The following SLCO1A2 variants were observed in gnomAD, a reference collection of about 807,000 sequenced individuals.
The protein encoded by SLCO1A2 is solute carrier organic anion transporter family member 1A2.
In SLCO1A2, 67 loss-of-function variants were observed where a neutral mutation model predicts 69.0. That is an observed-to-expected ratio of 0.97 (90% CI 0.80 to 1.19). The LOEUF (loss-of-function observed/expected upper bound fraction) is 1.19, where lower values mean the gene tolerates loss of function less well. Among genes scored for constraint, SLCO1A2 ranks in the 50% most tolerant of loss-of-function variants. The pLI is 0.00. For synonymous variants in SLCO1A2, 260 were observed against 265.9 expected, an observed-to-expected ratio of 0.98 and a Z score of 0.22; for missense variants, 787 against 793.7, an observed-to-expected ratio of 0.99 and a Z score of 0.10.
At chr12:21,382,573 G>A (rs1309297499) in intron 1 of SLCO1A2, among the ~76,000 whole-genome samples, 4 of 151,934 alleles carry the variant, frequency 2.6e-5, no homozygotes, top group Admixed American at 6.6e-5. Flanking sequence ...CGAGGTGGGC[G>A]GATCACAAGG....
intron 11 of SLCO1A2, among the ~76,000 whole-genome samples, chr12:21,292,931 A>G (rs1216831800): frequency 6.6e-6 from 1 of 152,248 alleles, no homozygotes; most frequent in Admixed American, 6.5e-5. Flanking sequence ...ATACAACACT[A>G]CATTGGACAA....
chr12:21,339,724 C>A (rs1444277232), upstream of SLCO1A2, among the ~76,000 whole-genome samples: 1 of 151,864 alleles, frequency 6.6e-6, no homozygotes, highest in African/African-American at 2.4e-5. Context: ...ATGCAGGAAG[C>A]TGTGAGAGGC....
chr12:21,376,911 C>T (rs1940238377), intron 1 of SLCO1A2, among the ~76,000 whole-genome samples: 1 of 152,084 alleles, frequency 6.6e-6, no homozygotes, highest in Non-Finnish European at 1.5e-5. Flanking sequence ...AAAACTAAAA[C>T]ATTTCTCTAA....
At chr12:21,306,686 T>A (rs80225829) in intron 5 of SLCO1A2, among the ~76,000 whole-genome samples, 196 bp downstream of exon 5, 1 of 152,208 alleles carries the variant, frequency 6.6e-6, no homozygotes, top group Non-Finnish European at 1.5e-5. Flanking sequence ...AATAAATACA[T>A]TCAAATATAA....
At chr12:21,379,928 T>C (rs1940482972) in intron 1 of SLCO1A2, 1 of 152,174 alleles carries the variant, frequency 6.6e-6, no homozygotes, top group African/African-American at 2.4e-5. Context: ...TTATAATAAA[T>C]TCTATGTCAT....
In SLCO1A2 at chr12:21,278,068, A is replaced by ACT. The variant is rs140328269; in HGVS notation, c.1611-2646_1611-2645dup. On this transcript the variant is annotated intron_variant, in intron 12 of 14. Transcript: ENST00000683939. ...AGCATTCACACAGGCTGGCTAAAGAACTCTTGTGCCTTAAGTAAACGTCAG... is the reference window on the plus strand; with the variant it reads ...AGCATTCACACAGGCTGGCTAAAGAACTCTCTTGTGCCTTAAGTAAACGTCAG... Among the ~76,000 whole-genome samples the ACT allele has an allele frequency of 0.026, 3,876 of 151,936 alleles. 418 individuals are homozygous for ACT. In the East Asian group the frequency reaches 0.35, roughly 14 times the overall value.
chr12:21,370,434 T>A (rs1477674974), intron 2 of SLCO1A2, among the ~76,000 whole-genome samples: 1 of 151,022 alleles, frequency 6.6e-6, no homozygotes, highest in Non-Finnish European at 1.5e-5. Context: ...ACCCATCAAC[T>A]CGTCATTTAA....
At chr12:21,325,923 T>C (rs1383660172) in intron 2 of SLCO1A2, among the ~76,000 whole-genome samples, 3 of 152,168 alleles carry the variant, frequency 2.0e-5, no homozygotes, top group Non-Finnish European at 2.9e-5. Context: ...GGAGTGCCCA[T>C]GTAGCACTTA....
At chr12:21,380,974 G>A (rs771121690) in intron 1 of SLCO1A2, among the ~76,000 whole-genome samples, 2 of 150,934 alleles carry the variant, frequency 1.3e-5, no homozygotes, top group African/African-American at 4.9e-5. Flanking sequence ...ATAACTGGTC[G>A]TAGCCAGCAC....
At position 21,269,488 on chromosome 12, in the gene SLCO1A2, A is replaced by G. The variant is rs1376247553; in HGVS notation, c.*60T>C. The G allele has an allele frequency of 2.3e-6, 3 of 1,299,560 alleles. No individual in the cohort carries two copies. Among genetic ancestry groups the G allele is most frequent in the Non-Finnish European group, 3.2e-6 (3 of 928,814 alleles). 80.5% of individuals were successfully genotyped at this position (1,299,560 alleles called of 1,614,324 possible). A position where few individuals can be genotyped will look rare whatever the true frequency, so the allele number is the denominator to read the frequency against. ...ATCTATTATATCTCTACTGATTTTTAAAACAATTAAGTTGTACAGCATGTT... is the reference window on the plus strand; with the variant it reads ...ATCTATTATATCTCTACTGATTTTTGAAACAATTAAGTTGTACAGCATGTT... On this transcript the variant is annotated 3_prime_UTR_variant, in exon 15 of 15. Coordinates refer to ENST00000683939, the MANE Select transcript of SLCO1A2 (RefSeq NM_001386879.1).
At position 21,306,963 on chromosome 12, in the gene SLCO1A2, C is replaced by A. The variant is rs756515778; in HGVS notation, c.361G>T (p.Val121Phe). 12 of 1,613,206 alleles carry A rather than the reference C, an allele frequency of 7.4e-6. No homozygotes were observed. Among genetic ancestry groups the A allele is most frequent in the African/African-American group, 1.3e-5 (1 of 74,900 alleles). Residue 121 changes from valine (V) to phenylalanine (F), a missense_variant, in exon 5 of 15, where the codon GTT becomes TTT. Transcript: ENST00000683939. Reference sequence around the variant, plus strand: ...CTGTTTGAGGACAAGTTGCCTGAAACTGAAACTGTAGATTCATATTCATAT... The same window carrying A: ...CTGTTTGAGGACAAGTTGCCTGAAAATGAAACTGTAGATTCATATTCATAT... Reference protein sequence around the residue: ...NQYEYESTVSVSGNLSSNSFL... With the variant: ...NQYEYESTVSFSGNLSSNSFL...
chr12:21,407,190 T>A (rs1470248034), intron 1 of SLCO1A2, among the ~76,000 whole-genome samples: 1 of 152,062 alleles, frequency 6.6e-6, no homozygotes, highest in Non-Finnish European at 1.5e-5. Context: ...TGAAATGAAA[T>A]TCAAAGCATA....
chr12:21,340,773 A>C (rs1953042556), intron 2 of SLCO1A2, among the ~76,000 whole-genome samples: 2 of 151,930 alleles, frequency 1.3e-5, no homozygotes, highest in African/African-American at 2.4e-5. Context: ...AATGATTTAC[A>C]ATTAAGATGG....
At chr12:21,307,266 G>T (rs188898154) in intron 4 of SLCO1A2, among the ~76,000 whole-genome samples, 20 of 152,136 alleles carry the variant, frequency 1.3e-4, no homozygotes, top group African/African-American at 4.8e-4. Flanking sequence ...TGATTTTTAG[G>T]TTATCATTTC....
intron 1 of SLCO1A2, among the ~76,000 whole-genome samples, chr12:21,389,027 T>A (rs1384626564): frequency 6.6e-6 from 1 of 152,206 alleles, no homozygotes; most frequent in Non-Finnish European, 1.5e-5. Context: ...CTTCAATAGC[T>A]TTAAAATCTC....
At chr12:21,282,058 T>C (rs112303591) in intron 12 of SLCO1A2, among the ~76,000 whole-genome samples, 2,292 of 151,094 alleles carry the variant, frequency 0.015, 50 homozygotes, top group African/African-American at 0.053. Context: ...AGAGAAGCCT[T>C]CCAAACTCAT....
In SLCO1A2 at chr12:21,265,927, C is replaced by T. The variant is rs1029863347; in HGVS notation, c.*3621G>A. On this transcript the variant is annotated 3_prime_UTR_variant, in exon 15 of 15. Coordinates refer to ENST00000683939, the MANE Select transcript of SLCO1A2 (RefSeq NM_001386879.1). Reference sequence around the variant, plus strand: ...CATACTCTTTTAACATCTACAACCTCTTCTACCAGGAGCTGTCTCTGATAA... The same window carrying T: ...CATACTCTTTTAACATCTACAACCTTTTCTACCAGGAGCTGTCTCTGATAA... 1 of 152,144 alleles carries T rather than the reference C, an allele frequency of 6.6e-6. No homozygotes were observed. Among genetic ancestry groups the T allele is most frequent in the African/African-American group, 2.4e-5 (1 of 41,422 alleles). The allele number at this position is 152,144 out of a possible 1,614,324, so 9.4% of individuals were successfully genotyped here.
At chr12:21,370,106 T>C (rs1939668515) in intron 2 of SLCO1A2, among the ~76,000 whole-genome samples, 1 of 152,146 alleles carries the variant, frequency 6.6e-6, no homozygotes, top group African/African-American at 2.4e-5. Flanking sequence ...AAAAAACAAA[T>C]ATCCTGGATC....
chr12:21,380,087 A>G (rs1940491993), intron 1 of SLCO1A2: 1 of 152,134 alleles, frequency 6.6e-6, no homozygotes, highest in Non-Finnish European at 1.5e-5. Context: ...TATTTGAAAA[A>G]TTTCCCACAA....
Sources: allele counts gnomAD v4.1 joint callset (sites outside exome capture counted in the v4.1 genomes callset), GRCh38; gene constraint gnomAD v4.1.1; transcripts MANE v1.5; gene names NCBI Gene and HGNC (gene_info 2026-07-23, HGNC 2026-07-21).